Variants in DCAF7 observed in about 807,000 individuals in gnomAD.
DCAF7 encodes DDB1 and CUL4 associated factor 7, also known as DDB1- and CUL4-associated factor 7.
In DCAF7, 4 loss-of-function variants were observed where a neutral mutation model predicts 41.2. The observed-to-expected ratio is 0.10, with a 90% CI of 0.05 to 0.22. DCAF7 has a LOEUF of 0.22. Ranked by LOEUF, DCAF7 falls within the 10% of genes least tolerant of loss-of-function variation. The probability of loss-of-function intolerance (pLI) is 1.00; values close to 1 mark genes in which losing one functional copy is unlikely to be tolerated. For missense variants in DCAF7, 131 were observed against 443.2 expected, an observed-to-expected ratio of 0.30 and a Z score of 6.32; for synonymous variants, 143 against 164.2, an observed-to-expected ratio of 0.87 and a Z score of 0.99.
chr17:63,570,000 A>C (rs2033487878), intron 1 of DCAF7, among the ~76,000 whole-genome samples: 1 of 152,108 alleles, frequency 6.6e-6, no homozygotes, highest in Non-Finnish European at 1.5e-5. Flanking sequence ...GGTGTGAGCC[A>C]CCACACCCGG....
chr17:63,589,284 T>A lies in DCAF7; in HGVS notation c.*112T>A. The A allele has an allele frequency of 1.4e-6, 2 of 1,410,946 alleles. No homozygotes were observed. The highest frequency in any genetic ancestry group is 2.0e-6 in the Non-Finnish European group (2 of 1,020,598). 87.4% of individuals were successfully genotyped at this position (1,410,946 alleles called of 1,614,324 possible). On this transcript the variant is annotated 3_prime_UTR_variant, in exon 7 of 7. Transcript: ENST00000614556. ...GTGGCCAGTATGTCTTTCATTGCTT[T>A]GCACCCACTGTTACCAGAAGCTGCT...
chr17:63,585,325 G>T lies in DCAF7; in HGVS notation c.853G>T (p.Ala285Ser). Reference sequence around the variant, plus strand: ...ACATTCATCCTGCCACATCTGCACTGCAGGTAATCATGGTGGGGAGAAAGA... The same window carrying T: ...ACATTCATCCTGCCACATCTGCACTTCAGGTAATCATGGTGGGGAGAAAGA... ...APHSSCHICT[A>S]ADDHQALIWD... Residue 285 changes from alanine to serine, a missense_variant, in exon 6 of 7, where the codon GCA becomes TCA. Physicochemically the swap from Ala to Ser is moderately conservative, Grantham distance 99. Transcript: ENST00000614556. The T allele has an allele frequency of 6.2e-7, 1 of 1,612,736 alleles. No homozygotes were observed. The highest frequency in any genetic ancestry group is 8.5e-7 in the Non-Finnish European group (1 of 1,178,830).
At chr17:63,565,764 T>G (rs997594391) in intron 1 of DCAF7, among the ~76,000 whole-genome samples, 1 of 152,180 alleles carries the variant, frequency 6.6e-6, no homozygotes, top group African/African-American at 2.4e-5. Flanking sequence ...CAGTTATTAA[T>G]GATTATTGTT....
chr17:63,558,827 A>G (rs1188764531), intron 1 of DCAF7, among the ~76,000 whole-genome samples: 4 of 152,236 alleles, frequency 2.6e-5, no homozygotes, highest in African/African-American at 9.6e-5. Context: ...GATAAATTTT[A>G]CAAACATGCA....
In DCAF7 at chr17:63,589,253, T is replaced by C. The variant is rs1224783246; in HGVS notation, c.*81T>C. Reference sequence around the variant, plus strand: ...CACCCCCAAAGTAAGAAGAAACATGTTTCCAGTGGCCAGTATGTCTTTCAT... The same window carrying C: ...CACCCCCAAAGTAAGAAGAAACATGCTTCCAGTGGCCAGTATGTCTTTCAT... On this transcript the variant is annotated 3_prime_UTR_variant, in exon 7 of 7. Coordinates refer to ENST00000614556, the MANE Select transcript of DCAF7 (RefSeq NM_005828.5). 1 of 1,568,526 alleles carries C rather than the reference T, an allele frequency of 6.4e-7. No homozygotes were observed. The highest frequency in any genetic ancestry group is 8.7e-7 in the Non-Finnish European group (1 of 1,150,218).
chr17:63,553,119 AAAC>A (rs755609139), intron 1 of DCAF7, among the ~76,000 whole-genome samples: 12 of 152,234 alleles, frequency 7.9e-5, no homozygotes, highest in Non-Finnish European at 1.5e-4. Flanking sequence ...CTACAGATAT[AAAC>A]AACATGTTTT....
intron 1 of DCAF7, among the ~76,000 whole-genome samples, chr17:63,577,027 C>T (rs1176453073): frequency 6.6e-6 from 1 of 152,202 alleles, no homozygotes. Flanking sequence ...GAGCAGTGTA[C>T]TGATGAAAGT....
At chr17:63,579,712 T>A in intron 3 of DCAF7, 113 bp from the exon 4 acceptor site, 1 of 926,234 alleles carries the variant, frequency 1.1e-6, no homozygotes, top group Admixed American at 2.7e-5. Flanking sequence ...CCTTGTTTTC[T>A]GTAGTCTTTA....
chr17:63,558,712 A>G (rs1266078981), intron 1 of DCAF7, among the ~76,000 whole-genome samples: 1 of 151,880 alleles, frequency 6.6e-6, no homozygotes, highest in Admixed American at 6.6e-5. Context: ...TGCCTGCCCA[A>G]CCCAAAGTGC....
intron 1 of DCAF7, among the ~76,000 whole-genome samples, chr17:63,571,221 TA>T (rs1339564776): frequency 6.6e-6 from 1 of 151,698 alleles, no homozygotes; most frequent in Non-Finnish European, 1.5e-5. Flanking sequence ...ATATATTGTG[TA>T]AAGGAAGTGA....
In DCAF7 at chr17:63,550,576, G is replaced by A; in HGVS notation, c.-102G>A. The A allele has an allele frequency of 6.6e-7, 1 of 1,507,740 alleles. No homozygotes were observed. Among genetic ancestry groups the A allele is most frequent in the Non-Finnish European group, 8.9e-7 (1 of 1,122,684 alleles). The allele number at this position is 1,507,740 out of a possible 1,614,324, so 93.4% of individuals were successfully genotyped here. A position where few individuals can be genotyped will look rare whatever the true frequency, so the allele number is the denominator to read the frequency against. ...CTTCCGGGTTAGGCCGTTCCTGCCC[G>A]CCCCCTCCTCTCCTCCCTTCGGACC... On this transcript the variant is annotated 5_prime_UTR_variant, in exon 1 of 7. Transcript: ENST00000614556. The surrounding 1 kb of genome is among the most constrained non-coding windows in gnomAD (Gnocchi z 4.8).
chr17:63,585,396 T>C, intron 6 of DCAF7, 68 bp downstream of exon 6: 1 of 1,377,724 alleles, frequency 7.3e-7, no homozygotes, highest in Admixed American at 1.7e-5. Context: ...CTCCTTAGAA[T>C]TGTAGTTGTT....
Position 63,589,277 on chromosome 17 carries a change from A to AT in DCAF7, c.*107dup. 6.9e-7 allele frequency: 1 copy of AT among 1,455,762 alleles called. No homozygotes were observed. Among genetic ancestry groups the AT allele is most frequent in the Non-Finnish European group, 9.5e-7 (1 of 1,058,042 alleles). 90.2% of individuals were successfully genotyped at this position (1,455,762 alleles called of 1,614,324 possible). On this transcript the variant is annotated 3_prime_UTR_variant, in exon 7 of 7. Coordinates refer to ENST00000614556, the MANE Select transcript of DCAF7 (RefSeq NM_005828.5). ...GTTTCCAGTGGCCAGTATGTCTTTC[A>AT]TTGCTTTGCACCCACTGTTACCAGA...
At position 63,587,537 on chromosome 17, in the gene DCAF7, G is replaced by A. The variant is rs369108582; in HGVS notation, c.857-1463G>A. Among the ~76,000 whole-genome samples the A allele has an allele frequency of 1.1e-4, 17 of 152,088 alleles. 1 individual carries two copies. Among genetic ancestry groups the A allele is most frequent in the East Asian group, 7.7e-4 (4 of 5,178 alleles). Reference sequence around the variant, plus strand: ...AAGGAGCTGTTGCTCAAGTGTGCTCGGTTGAGCATTGAGGAAAAGGGCCTT... The same window carrying A: ...AAGGAGCTGTTGCTCAAGTGTGCTCAGTTGAGCATTGAGGAAAAGGGCCTT... On this transcript the variant is annotated intron_variant, in intron 6 of 6. Coordinates refer to ENST00000614556, the MANE Select transcript of DCAF7 (RefSeq NM_005828.5).
rs1361126089 is a variant in DCAF7, at chr17:63,590,405, A to AG, written c.*1235dup. ...ATTATACTGTGGGTAATGAAAAGGGAGGAAAAAAAAAGAAGGAAAAGGAAT... is the reference window on the plus strand; with the variant it reads ...ATTATACTGTGGGTAATGAAAAGGGAGGGAAAAAAAAAGAAGGAAAAGGAAT... On this transcript the variant is annotated 3_prime_UTR_variant, in exon 7 of 7. Transcript: ENST00000614556. 1 of 152,460 alleles carries AG rather than the reference A, an allele frequency of 6.6e-6. No homozygotes were observed. The highest frequency in any genetic ancestry group is 2.4e-5 in the African/African-American group (1 of 41,364). 9.4% of individuals were successfully genotyped at this position (152,460 alleles called of 1,614,324 possible).
rs552321510 is a variant in DCAF7 at position 63,583,034 on chromosome 17, A to G, written c.529-468A>G. ...TTTCTTGCAAATGAGTCTCAGGTCC[A>G]GGTTTCACAGAATCAGCTTGGCTGC... On this transcript the variant is annotated intron_variant, in intron 4 of 6. Coordinates refer to ENST00000614556, the MANE Select transcript of DCAF7 (RefSeq NM_005828.5). Among the ~76,000 whole-genome samples the G allele has an allele frequency of 3.9e-5, 6 of 152,338 alleles. No homozygotes were observed. In the East Asian group the frequency reaches 9.6e-4, roughly 24 times the overall value.
At chr17:63,567,883 A>G (rs149849908) in intron 1 of DCAF7, among the ~76,000 whole-genome samples, 29 of 151,944 alleles carry the variant, frequency 1.9e-4, no homozygotes, top group South Asian at 4.2e-4. Context: ...GCTGGTCTCA[A>G]ATTCCTCTTG....
chr17:63,578,448 G>A, intron 1 of DCAF7, 22 bp from the exon 2 acceptor site: 1 of 1,613,840 alleles, frequency 6.2e-7, no homozygotes, highest in South Asian at 1.1e-5. Flanking sequence ...TGCTTATGTG[G>A]CTCAACTTTG....
chr17:63,575,683 G>C (rs952790470), intron 1 of DCAF7, among the ~76,000 whole-genome samples: 1 of 152,078 alleles, frequency 6.6e-6, no homozygotes, highest in Non-Finnish European at 1.5e-5. Context: ...GCGAGACTCT[G>C]TCTGAAAAAA....
Sources: gnomAD v4.1 joint callset for allele counts (sites outside exome capture counted in the v4.1 genomes callset) on GRCh38, gnomAD v4.1.1 for gene constraint, Gnocchi (gnomAD v3.1) non-coding constraint, MANE v1.5 for transcripts, NCBI Gene and HGNC (gene_info 2026-07-23, HGNC 2026-07-21) for gene names.